Variants in SAMM50 observed in about 807,000 individuals in gnomAD.
The protein encoded by SAMM50 is sorting and assembly machinery component 50 homolog.
SAMM50 carries 47 observed loss-of-function variants against 66.9 expected under a neutral mutation model. The ratio of observed to expected loss-of-function variants is 0.70; its 90% CI spans 0.56 to 0.90. The LOEUF is 0.90. Among genes scored for constraint, SAMM50 ranks in the 40% least tolerant of loss-of-function variants. The pLI, the probability that SAMM50 is intolerant of heterozygous loss-of-function variation, is 0.00. For missense variants in SAMM50, 535 were observed against 595.3 expected, an observed-to-expected ratio of 0.90 and a Z score of 1.05; for synonymous variants, 191 against 214.1, an observed-to-expected ratio of 0.89 and a Z score of 0.94.
intron 4 of SAMM50, among the ~76,000 whole-genome samples, chr22:43,969,850 G>A (rs750873620): frequency 2.6e-5 from 4 of 152,140 alleles, no homozygotes; most frequent in Non-Finnish European, 5.9e-5. Flanking sequence ...AAAGCCGTCA[G>A]GAGCCCAGAC....
chr22:43,955,542 G>C lies in SAMM50; in HGVS notation c.-36G>C. 1 of 1,592,328 alleles carries C rather than the reference G, an allele frequency of 6.3e-7. No homozygotes were observed. Among genetic ancestry groups the C allele is most frequent in the Middle Eastern group, 1.7e-4 (1 of 5,988 alleles). On this transcript the variant is annotated 5_prime_UTR_variant, in exon 1 of 15. Transcript: ENST00000350028. ...CAGCAGCAGACGCTCTGTCCCGCCC[G>C]GGCAGCTCTGCGAGGCAGCGGCTGG...
At chr22:43,965,497 C>T (rs764878786) in intron 3 of SAMM50, among the ~76,000 whole-genome samples, 1 of 152,012 alleles carries the variant, frequency 6.6e-6, no homozygotes, top group Non-Finnish European at 1.5e-5. Flanking sequence ...CATGAGCCAC[C>T]GTGCCTGCCC....
rs561701047 is a variant in SAMM50 at position 43,977,892 on chromosome 22, C to T, written c.870C>T (p.Gly290=). 51 of 1,612,530 alleles carry T rather than the reference C, an allele frequency of 3.2e-5. No homozygotes were observed. Among genetic ancestry groups the T allele is most frequent in the Non-Finnish European group, 3.9e-5 (46 of 1,179,012 alleles). The change falls in exon 10 of 15, where the codon GGC becomes GGT. Residue 290 remains glycine (G), a synonymous_variant. Coordinates refer to ENST00000350028, the MANE Select transcript of SAMM50 (RefSeq NM_015380.5). ...TGCAGGAACTGGCAGGCTACACTGG[C>T]GGGGATGTGAGCTTCATCAAAGAAG... ...KVNQELAGYT[G]GDVSFIKEDF...
intron 10 of SAMM50, among the ~76,000 whole-genome samples, chr22:43,979,063 C>G (rs2050248998): frequency 6.6e-6 from 1 of 152,212 alleles, no homozygotes; most frequent in South Asian, 2.1e-4. Flanking sequence ...GCCTGCTCGC[C>G]TGTTCTCACT....
intron 10 of SAMM50, 138 bp downstream of exon 10, chr22:43,978,096 T>G: frequency 1.7e-6 from 1 of 599,308 alleles, no homozygotes; most frequent in Non-Finnish European, 2.9e-6. Context: ...TGTTTCCAGT[T>G]TAGCCAGATT....
In SAMM50 at chr22:43,996,393, C is replaced by T. The variant is rs1383300532; in HGVS notation, c.*10C>T. On this transcript the variant is annotated 3_prime_UTR_variant, in exon 15 of 15. Transcript: ENST00000350028. Reference sequence around the variant, plus strand: ...GATAAGGTTCCTGTAGCCGACACCCCTACAGGAGAAGCTCTGGGACTGGGG... The same window carrying T: ...GATAAGGTTCCTGTAGCCGACACCCTTACAGGAGAAGCTCTGGGACTGGGG... 3.7e-6 allele frequency: 6 copies of T among 1,613,956 alleles called. 1 individual carries two copies. Among genetic ancestry groups the T allele is most frequent in the Non-Finnish European group, 8.5e-7 (1 of 1,179,792 alleles).
Position 43,983,900 on chromosome 22 carries a change from CTTT to C in SAMM50, c.1008-32_1008-30del, listed in dbSNP as rs2050277166. ...TGTCATGTCGTTTCTCACCTCCTGA[CTTT>C]CCTCTGACCTGTGTGCTGTTTTGTC... On this transcript the variant is annotated intron_variant, in intron 11 of 14. Coordinates refer to ENST00000350028, the MANE Select transcript of SAMM50 (RefSeq NM_015380.5). This position sits in a 1 kb window ranked among gnomAD's most constrained non-coding sequence, Gnocchi z 4.2. 3 of 1,531,074 alleles carry C rather than the reference CTTT, an allele frequency of 2.0e-6. No individual in the cohort carries two copies. The highest frequency in any genetic ancestry group is 8.9e-7 in the Non-Finnish European group (1 of 1,118,458). The allele number at this position is 1,531,074 out of a possible 1,614,324, so 94.8% of individuals were successfully genotyped here. A position where few individuals can be genotyped will look rare whatever the true frequency, so the allele number is the denominator to read the frequency against.
chr22:43,962,217 T>A (rs1449789688), intron 1 of SAMM50, among the ~76,000 whole-genome samples: 1 of 152,240 alleles, frequency 6.6e-6, no homozygotes, highest in African/African-American at 2.4e-5. Context: ...TATTTTAGAA[T>A]AAAGTGTTGA....
intron 7 of SAMM50, chr22:43,975,813 C>T (rs1569030019): frequency 4.4e-6 from 2 of 455,214 alleles, no homozygotes; most frequent in East Asian, 7.1e-5. Context: ...GGGTGCAGTC[C>T]TGCTACTTAG....
rs138424764 is a variant in SAMM50 at position 43,976,156 on chromosome 22, C to T, written c.750C>T (p.Ser250=). The T allele has an allele frequency of 4.3e-5, 69 of 1,606,952 alleles. No homozygotes were observed. The African/African-American group carries it at 6.0e-4, about 14-fold the overall frequency. ...CGTCATTTGCTGTTCGAAAAGAAAG[C>T]GGACATTCACTGAAATCATCTCTTT... ...RTASFAVRKE[S]GHSLKSSLSH... The change falls in exon 8 of 15, where the codon AGC becomes AGT. Residue 250 remains serine (S), a synonymous_variant. Coordinates refer to ENST00000350028, the MANE Select transcript of SAMM50 (RefSeq NM_015380.5).
At chr22:43,963,546 CT>C in intron 2 of SAMM50, 150 bp downstream of exon 2, 1 of 458,454 alleles carries the variant, frequency 2.2e-6, no homozygotes, top group Non-Finnish European at 3.9e-6. Flanking sequence ...ACTGATGACT[CT>C]TAGAAAAACA....
intron 3 of SAMM50, 43 bp downstream of exon 3, chr22:43,964,596 G>A (rs776372298): frequency 7.4e-6 from 8 of 1,084,388 alleles, no homozygotes; most frequent in Non-Finnish European, 1.1e-5. Flanking sequence ...AGTCTCTTCT[G>A]AAGAACTCGT....
chr22:43,980,588 A>G lies in SAMM50; in HGVS notation c.937-803A>G, dbSNP rs907423467. Among the ~76,000 whole-genome samples, 4 of 152,058 alleles carry G rather than the reference A, an allele frequency of 2.6e-5. No individual in the cohort carries two copies. The East Asian group carries it at 5.9e-4, about 22-fold the overall frequency. ...ATGTGGGCTCTTGCTTCCACTCTAC[A>G]TGAGAGGGAAGCCCTGGAGCCTTCT... On this transcript the variant is annotated intron_variant, in intron 10 of 14. Coordinates refer to ENST00000350028, the MANE Select transcript of SAMM50 (RefSeq NM_015380.5).
At chr22:43,988,966 A>C (rs957669537) in intron 12 of SAMM50, 145 bp from the exon 13 acceptor site, 1 of 656,482 alleles carries the variant, frequency 1.5e-6, no homozygotes, top group Admixed American at 2.7e-5. Flanking sequence ...CAGTATCAGG[A>C]ATGAGAAGAA....
rs141698213 is a variant in SAMM50 at position 43,968,677 on chromosome 22, T to C, written c.235-54T>C. ...GCCTCGCCGTGTGGCTGCCATTTGC[T>C]GTTTCTGTATCGTAGAAGAATATAT... On this transcript the variant is annotated intron_variant, in intron 3 of 14. Transcript: ENST00000350028. The C allele has an allele frequency of 1.6e-3, 1,999 of 1,261,828 alleles. 19 individuals are homozygous for C. The African/African-American group carries it at 0.025, about 16-fold the overall frequency. The allele number at this position is 1,261,828 out of a possible 1,614,324, so 78.2% of individuals were successfully genotyped here.
rs1206844267 is a variant in SAMM50 at position 43,996,283 on chromosome 22, A to C, written c.1365-55A>C. 2.5e-6 allele frequency: 4 copies of C among 1,591,526 alleles called. No homozygotes were observed. In the African/African-American group the frequency reaches 5.4e-5, roughly 21 times the overall value. ...AGAGGCGCATGCTCAGTGAGTCGTG[A>C]AGATGGCAGGGCTGGCGGAGCGGCC... is the stretch of plus-strand genomic sequence containing the variant. On this transcript the variant is annotated intron_variant, in intron 14 of 14. Transcript: ENST00000350028.
At chr22:43,962,630 T>C (rs912788472) in intron 1 of SAMM50, among the ~76,000 whole-genome samples, 3 of 152,202 alleles carry the variant, frequency 2.0e-5, no homozygotes, top group African/African-American at 7.2e-5. Flanking sequence ...TAAAATGTTT[T>C]CTTAGTAATC....
intron 1 of SAMM50, among the ~76,000 whole-genome samples, chr22:43,958,670 G>A (rs2050132523): frequency 1.3e-5 from 2 of 151,850 alleles, no homozygotes; most frequent in Admixed American, 1.3e-4. Context: ...GTAGAGACAG[G>A]GTTTTGCCAT....
chr22:43,981,477 T>C lies in SAMM50; in HGVS notation c.1007+16T>C, dbSNP rs1284617511. The C allele has an allele frequency of 2.6e-6, 4 of 1,547,896 alleles. No homozygotes were observed. Among genetic ancestry groups the C allele is most frequent in the Non-Finnish European group, 3.6e-6 (4 of 1,120,262 alleles). On this transcript the variant is annotated intron_variant, in intron 11 of 14. Coordinates refer to ENST00000350028, the MANE Select transcript of SAMM50 (RefSeq NM_015380.5). The stretch of plus-strand genomic sequence containing the variant: ...TTGCTGATAGGTAAGTACTAATCAA[T>C]GAATGGATAATTTGCACATATTTTC...
Sources: allele counts gnomAD v4.1 joint callset (sites outside exome capture counted in the v4.1 genomes callset), GRCh38; gene constraint gnomAD v4.1.1; non-coding constraint Gnocchi (gnomAD v3.1); transcripts MANE v1.5; gene names NCBI Gene and HGNC (gene_info 2026-07-23, HGNC 2026-07-21).